The following ANXA13 variants were observed in gnomAD, a reference collection of about 807,000 sequenced individuals.
ANXA13 encodes annexin A13, also known as annexin XIII.
In ANXA13, 36 loss-of-function variants were observed where a neutral mutation model predicts 46.6. The observed-to-expected ratio is 0.77, with a 90% confidence interval of 0.59 to 1.02. ANXA13 has a LOEUF of 1.02. Among genes scored for constraint, ANXA13 ranks in the 50% least tolerant of loss-of-function variants. ANXA13 has a pLI of 0.00. For synonymous variants in ANXA13, 163 were observed against 152.9 expected (o/e 1.07, Z -0.49); for missense variants, 417 against 396.5 (o/e 1.05, Z -0.44).
At position 123,686,565 on chromosome 8, in the gene ANXA13, C is replaced by T. The variant is rs138042703; in HGVS notation, c.719-1843G>A. On this transcript the variant is annotated intron_variant, in intron 9 of 10. Transcript: ENST00000419625. ...TCTATATCTTGCTCCCCTTTGCCTT[C>T]AGAGTGAGTTCCTGAACTTCAGTGA... 6.6e-5 allele frequency among the ~76,000 whole-genome samples: 10 copies of T among 152,250 alleles called. No homozygotes were observed. The East Asian group carries it at 9.6e-4, about 15-fold the overall frequency.
rs751712187 is a variant in ANXA13, at chr8:123,688,944, G to A, written c.645C>T (p.Leu215=). The part of the protein sequence containing the change: ...LRATFQAYQI[L]IGKDIEEAIE... ...TGGCTTCTTCTATGTCTTTGCCAATGAGCTGCAGCGAAAACCAAAATCAAC... is the reference window on the plus strand; with the variant it reads ...TGGCTTCTTCTATGTCTTTGCCAATAAGCTGCAGCGAAAACCAAAATCAAC... The change falls in exon 9 of 11, where the codon CTC becomes CTT. Residue 215 remains leucine (L), a splice_region_variant and synonymous_variant. Coordinates refer to ENST00000419625, the MANE Select transcript of ANXA13 (RefSeq NM_004306.4). 6.2e-6 allele frequency: 10 copies of A among 1,613,450 alleles called. No individual in the cohort carries two copies. In the South Asian group the frequency reaches 6.6e-5, roughly 11 times the overall value.
intron 1 of ANXA13, 114 bp downstream of exon 1, chr8:123,737,206 T>C: frequency 9.1e-7 from 1 of 1,099,822 alleles, no homozygotes; most frequent in Non-Finnish European, 1.3e-6. Flanking sequence ...AAACCAATAT[T>C]AAAGGGTAAC....
chr8:123,719,331 T>C (rs2129915218), intron 1 of ANXA13, among the ~76,000 whole-genome samples: 1 of 152,352 alleles, frequency 6.6e-6, no homozygotes, highest in South Asian at 2.1e-4. Context: ...CTTTCTCTTT[T>C]TCTTCTTCTT....
At position 123,711,322 on chromosome 8, in the gene ANXA13, T is replaced by A. The variant is rs565169909; in HGVS notation, c.91+1356A>T. Among the ~76,000 whole-genome samples, 60 of 152,336 alleles carry A rather than the reference T, an allele frequency of 3.9e-4. No homozygotes were observed. The South Asian group carries it at 5.0e-3, about 13-fold the overall frequency. ...TCAGTCTCAGTACCTTCCCTCCCTGTCCTGTTCAAGGGAAATCCTTCCATC... is the reference window on the plus strand; with the variant it reads ...TCAGTCTCAGTACCTTCCCTCCCTGACCTGTTCAAGGGAAATCCTTCCATC... On this transcript the variant is annotated intron_variant, in intron 2 of 10. Coordinates refer to ENST00000419625, the MANE Select transcript of ANXA13 (RefSeq NM_004306.4).
intron 3 of ANXA13, among the ~76,000 whole-genome samples, chr8:123,701,556 C>T (rs752421374): frequency 2.0e-5 from 3 of 152,208 alleles, no homozygotes; most frequent in Non-Finnish European, 4.4e-5. Context: ...ACTGAAGATG[C>T]ACTTATTTTC....
intron 4 of ANXA13, 26 bp downstream of exon 4, chr8:123,698,363 C>G: frequency 6.2e-7 from 1 of 1,610,910 alleles, no homozygotes; most frequent in African/African-American, 1.3e-5. Flanking sequence ...GTGTGATGCT[C>G]CCTTGCGGGC....
At chr8:123,725,038 T>C (rs1419737674) in intron 1 of ANXA13, among the ~76,000 whole-genome samples, 1 of 152,208 alleles carries the variant, frequency 6.6e-6, no homozygotes, top group Non-Finnish European at 1.5e-5. Flanking sequence ...GGTCCTTTTT[T>C]AGTCAGAGGA....
intron 1 of ANXA13, among the ~76,000 whole-genome samples, chr8:123,722,032 G>T (rs914805688): frequency 9.9e-5 from 15 of 152,224 alleles, no homozygotes; most frequent in Admixed American, 9.2e-4. Context: ...GGGCCAGGTA[G>T]GGTGGCTCAT....
intron 10 of ANXA13, 139 bp downstream of exon 10, chr8:123,684,471 A>C: frequency 3.2e-6 from 2 of 624,088 alleles, no homozygotes; most frequent in Non-Finnish European, 5.8e-6. Flanking sequence ...TGTCTTCTGC[A>C]AATTCTGGGA....
intron 1 of ANXA13, among the ~76,000 whole-genome samples, chr8:123,731,059 T>C (rs943137420): frequency 5.3e-5 from 8 of 152,200 alleles, no homozygotes; most frequent in Non-Finnish European, 1.2e-4. Context: ...GCTTCAACTG[T>C]CATTCTCAAA....
chr8:123,696,564 C>CCT (rs1563608400), intron 4 of ANXA13, among the ~76,000 whole-genome samples: 1 of 152,138 alleles, frequency 6.6e-6, no homozygotes, highest in African/African-American at 2.4e-5. Context: ...CCCCACCCCC[C>CCT]CCACCACCAA....
Position 123,704,654 on chromosome 8 carries a change from C to T in ANXA13, c.92-1918G>A, listed in dbSNP as rs528161742. Among the ~76,000 whole-genome samples, 7 of 152,318 alleles carry T rather than the reference C, an allele frequency of 4.6e-5. No individual in the cohort carries two copies. The East Asian group carries it at 1.4e-3, about 29-fold the overall frequency. ...TCAGGTGATCCACCTGCCTCAGCCT[C>T]TTAAAGTGCTAGGATGACAGGCATG... On this transcript the variant is annotated intron_variant, in intron 2 of 10. Coordinates refer to ENST00000419625, the MANE Select transcript of ANXA13 (RefSeq NM_004306.4).
intron 9 of ANXA13, among the ~76,000 whole-genome samples, chr8:123,686,731 C>T (rs1224145198): frequency 1.3e-5 from 2 of 152,090 alleles, no homozygotes; most frequent in East Asian, 3.9e-4. Context: ...CCATAGACCT[C>T]ACTTTGAGAA....
At chr8:123,704,115 C>T (rs753844589) in intron 2 of ANXA13, among the ~76,000 whole-genome samples, 8 of 152,126 alleles carry the variant, frequency 5.3e-5, no homozygotes, top group Non-Finnish European at 8.8e-5. Context: ...TAAGCACGCA[C>T]GTGGGAAACC....
Position 123,681,484 on chromosome 8 carries a change from G to T in ANXA13, c.832-125C>A, listed in dbSNP as rs1813036722. The T allele has an allele frequency of 3.4e-6, 3 of 885,164 alleles. No homozygotes were observed. The South Asian group carries it at 6.5e-5, about 19-fold the overall frequency. 54.8% of individuals were successfully genotyped at this position (885,164 alleles called of 1,614,324 possible). ...GCCTTAAAACAGCCCTTGAGATAGG[G>T]CTTTATTTCCTATCATTATTTCCTT... is the stretch of plus-strand genomic sequence containing the variant. On this transcript the variant is annotated intron_variant, in intron 10 of 10. Coordinates refer to ENST00000419625, the MANE Select transcript of ANXA13 (RefSeq NM_004306.4).
chr8:123,721,443 A>G (rs1303658283), intron 1 of ANXA13, among the ~76,000 whole-genome samples: 5 of 152,092 alleles, frequency 3.3e-5, no homozygotes, highest in Non-Finnish European at 5.9e-5. Context: ...CCCACCTCGT[A>G]TGGGTTGTTA....
rs1454576556 is a variant in ANXA13, at chr8:123,712,661, C to T, written c.91+17G>A. 1 of 1,613,148 alleles carries T rather than the reference C, an allele frequency of 6.2e-7. No homozygotes were observed. Among genetic ancestry groups the T allele is most frequent in the Non-Finnish European group, 8.5e-7 (1 of 1,179,200 alleles). On this transcript the variant is annotated intron_variant, in intron 2 of 10. Coordinates refer to ENST00000419625, the MANE Select transcript of ANXA13 (RefSeq NM_004306.4). ...ATCAACTTCAGAAGCAAATTAGCAA[C>T]AAAATATCTCTCATACCCATTCCTT...
At chr8:123,726,358 C>A (rs1299710675) in intron 1 of ANXA13, among the ~76,000 whole-genome samples, 1 of 152,228 alleles carries the variant, frequency 6.6e-6, no homozygotes, top group Admixed American at 6.5e-5. Flanking sequence ...GGAGACCTGA[C>A]TTGAAGGCCC....
chr8:123,695,207 A>G (rs1421299395), intron 6 of ANXA13, among the ~76,000 whole-genome samples: 1 of 152,076 alleles, frequency 6.6e-6, no homozygotes, highest in Admixed American at 6.5e-5. Context: ...CCACCCTCTC[A>G]TGGCCTACAT....
Sources: allele counts gnomAD v4.1 joint callset (sites outside exome capture counted in the v4.1 genomes callset), GRCh38; gene constraint gnomAD v4.1.1; transcripts MANE v1.5; gene names NCBI Gene and HGNC (gene_info 2026-07-23, HGNC 2026-07-21).